Variants in AGBL1 observed in about 807,000 individuals in gnomAD.
The protein encoded by AGBL1 is cytosolic carboxypeptidase 4.
In AGBL1, 130 loss-of-function variants were observed where a neutral mutation model predicts 118.9. The ratio of observed to expected loss-of-function variants is 1.09; its 90% confidence interval spans 0.95 to 1.26. AGBL1 has a LOEUF of 1.26. Ranked by LOEUF, AGBL1 falls within the 50% of genes most tolerant of loss-of-function variation. The pLI, the probability that AGBL1 is intolerant of heterozygous loss-of-function variation, is 0.00. For synonymous variants in AGBL1, 555 were observed against 478.9 expected, an observed-to-expected ratio of 1.16 and a Z score of -2.08; for missense variants, 1,584 against 1,298.1, an observed-to-expected ratio of 1.22 and a Z score of -3.38.
intron 22 of AGBL1, among the ~76,000 whole-genome samples, chr15:86,749,184 G>T (rs554089391): frequency 6.6e-6 from 1 of 151,812 alleles, no homozygotes; most frequent in African/African-American, 2.4e-5. Context: ...CTTTTATTTC[G>T]TTGAGCAGTG....
intron 22 of AGBL1, among the ~76,000 whole-genome samples, chr15:86,704,341 T>C (rs978883080): frequency 1.3e-5 from 2 of 152,020 alleles, no homozygotes; most frequent in Non-Finnish European, 2.9e-5. Flanking sequence ...ATCATCAGAG[T>C]GAACAGGCAC....
chr15:86,139,181 C>A (rs1395137529), intron 1 of AGBL1, among the ~76,000 whole-genome samples: 1 of 152,082 alleles, frequency 6.6e-6, no homozygotes. Context: ...CCTTGTTAGC[C>A]CAAAGCTCCC....
At chr15:86,490,286 G>A (rs369473604) in intron 18 of AGBL1, among the ~76,000 whole-genome samples, 4 of 152,066 alleles carry the variant, frequency 2.6e-5, no homozygotes, top group East Asian at 1.9e-4. Context: ...TTCACTCTGA[G>A]AGCTTAATTT....
intron 6 of AGBL1, among the ~76,000 whole-genome samples, chr15:86,228,941 G>C (rs2078410464): frequency 6.6e-6 from 1 of 152,098 alleles, no homozygotes; most frequent in South Asian, 2.1e-4. Flanking sequence ...ATGTAGGCTG[G>C]AATGGTCTAA....
chr15:86,442,464 C>A (rs1462818078), intron 18 of AGBL1, among the ~76,000 whole-genome samples: 5 of 152,188 alleles, frequency 3.3e-5, no homozygotes, highest in African/African-American at 7.2e-5. Flanking sequence ...TTCAAAATTT[C>A]ATTGGGAATG....
Position 86,722,110 on chromosome 15 carries a change from C to T in AGBL1, c.3158+47674C>T, listed in dbSNP as rs926088186. 2.2e-3 allele frequency among the ~76,000 whole-genome samples: 331 copies of T among 152,074 alleles called. 2 individuals carry two copies. The highest frequency in any genetic ancestry group is 7.7e-3 in the African/African-American group (318 of 41,474). On this transcript the variant is annotated intron_variant, in intron 22 of 22. Coordinates refer to ENST00000614907, the MANE Select transcript of AGBL1 (RefSeq NM_001386094.1). ...GGTAATTTATAGATTCAATGCCATC[C>T]CCATCAAGCTACCAATGACTTTCTT...
chr15:86,313,600 A>G (rs982356358), intron 17 of AGBL1, among the ~76,000 whole-genome samples: 2 of 152,348 alleles, frequency 1.3e-5, no homozygotes, highest in African/African-American at 4.8e-5. Context: ...GATTAAATCA[A>G]TATGTATCCA....
intron 21 of AGBL1, among the ~76,000 whole-genome samples, chr15:86,672,423 G>C (rs1359593733): frequency 6.6e-6 from 1 of 152,186 alleles, no homozygotes; most frequent in Non-Finnish European, 1.5e-5. Flanking sequence ...TTATTTTCCT[G>C]AATGACTCCT....
chr15:86,706,118 A>G (rs895787313), intron 22 of AGBL1, among the ~76,000 whole-genome samples: 1 of 152,122 alleles, frequency 6.6e-6, no homozygotes, highest in Non-Finnish European at 1.5e-5. Flanking sequence ...AAATGGAAAA[A>G]GTAAAATTTG....
At chr15:86,666,829 C>T (rs1031065005) in intron 21 of AGBL1, among the ~76,000 whole-genome samples, 1 of 152,112 alleles carries the variant, frequency 6.6e-6, no homozygotes, top group Non-Finnish European at 1.5e-5. Context: ...AACCGAGGCA[C>T]TAAAAAGTCA....
chr15:86,801,311 A>ATCTGTCTG (rs755778358), intron 22 of AGBL1, among the ~76,000 whole-genome samples: 1 of 8,268 alleles, frequency 1.2e-4, no homozygotes, highest in African/African-American at 4.9e-4. Context: ...TGATGATTAC[A>ATCTGTCTG]TCTATCTATC....
At chr15:86,139,046 G>A (rs1422233782) in intron 1 of AGBL1, among the ~76,000 whole-genome samples, 3 of 152,092 alleles carry the variant, frequency 2.0e-5, no homozygotes, top group Non-Finnish European at 4.4e-5. Context: ...CACCCACATT[G>A]GTACACGTAT....
intron 22 of AGBL1, among the ~76,000 whole-genome samples, chr15:86,846,052 T>A (rs978470849): frequency 2.0e-5 from 3 of 152,224 alleles, no homozygotes; most frequent in African/African-American, 7.2e-5. Context: ...TCTTTTCTAT[T>A]TAGCCAGCCT....
intron 3 of AGBL1, among the ~76,000 whole-genome samples, chr15:86,152,529 G>C (rs1386859039): frequency 6.6e-6 from 1 of 152,160 alleles, no homozygotes. Context: ...ATGGATTGAA[G>C]ACTTAAATGT....
chr15:86,888,336 T>G (rs2080001509), intron 22 of AGBL1, among the ~76,000 whole-genome samples: 1 of 150,120 alleles, frequency 6.7e-6, no homozygotes, highest in African/African-American at 2.5e-5. Context: ...AACTAAATAT[T>G]CAGAAGACTG....
intron 23 of AGBL1, among the ~76,000 whole-genome samples, chr15:86,974,364 T>C (rs1294665334): frequency 2.6e-5 from 3 of 115,534 alleles, no homozygotes; most frequent in African/African-American, 6.9e-5. Flanking sequence ...AACATTTTAA[T>C]ATATTAAATA....
chr15:86,840,216 TTC>T (rs1399793491), intron 22 of AGBL1, among the ~76,000 whole-genome samples: 1 of 152,198 alleles, frequency 6.6e-6, no homozygotes, highest in Admixed American at 6.5e-5. Context: ...TGTTGTTTTC[TTC>T]TCTCTCTTAA....
chr15:86,378,907 TTTTTTTC>T, intron 17 of AGBL1, among the ~76,000 whole-genome samples: 1 of 151,314 alleles, frequency 6.6e-6, no homozygotes, highest in African/African-American at 2.4e-5. Flanking sequence ...TTAGTTTTTT[TTTTTTTC>T]TTTTTTTCTT....
intron 5 of AGBL1, among the ~76,000 whole-genome samples, chr15:86,208,626 T>C (rs2078036414): frequency 6.6e-6 from 1 of 152,210 alleles, no homozygotes; most frequent in Non-Finnish European, 1.5e-5. Context: ...TATAGTATTC[T>C]GTGACGGTAG....
Sources: allele counts gnomAD v4.1 joint callset (sites outside exome capture counted in the v4.1 genomes callset), GRCh38; gene constraint gnomAD v4.1.1; transcripts MANE v1.5; gene names NCBI Gene and HGNC (gene_info 2026-07-23, HGNC 2026-07-21).